ADAMTS3: variants seen among roughly 807,000 people sequenced by gnomAD.
ADAMTS3 encodes the protein A disintegrin and metalloproteinase with thrombospondin motifs 3.
Under a neutral mutation model 129.0 loss-of-function variants are expected in ADAMTS3, and 73 were observed. The ratio of observed to expected loss-of-function variants is 0.57; its 90% CI spans 0.47 to 0.69. ADAMTS3 has a LOEUF of 0.69. ADAMTS3 is among the 30% of genes least tolerant of loss of function. ADAMTS3 has a pLI of 0.00. For synonymous variants in ADAMTS3, 477 were observed against 510.8 expected, an observed-to-expected ratio of 0.93 and a Z score of 0.89; for missense variants, 1,457 against 1,514.5, an observed-to-expected ratio of 0.96 and a Z score of 0.63.
intron 2 of ADAMTS3, among the ~76,000 whole-genome samples, chr4:72,563,957 G>A (rs974914250): frequency 2.6e-5 from 4 of 152,158 alleles, no homozygotes; most frequent in African/African-American, 9.7e-5. Context: ...CTAGGTAAGT[G>A]ACTCACACTA....
At chr4:72,440,470 T>G (rs1183826629) in intron 3 of ADAMTS3, among the ~76,000 whole-genome samples, 3 of 151,836 alleles carry the variant, frequency 2.0e-5, no homozygotes, top group African/African-American at 7.2e-5. Flanking sequence ...ATGTTTTTCC[T>G]TAAAAAAATG....
At chr4:72,496,087 T>A (rs1185138346) in intron 3 of ADAMTS3, among the ~76,000 whole-genome samples, 1 of 152,158 alleles carries the variant, frequency 6.6e-6, no homozygotes, top group Non-Finnish European at 1.5e-5. Context: ...GTAAAGAAAA[T>A]TATTAGACTT....
At chr4:72,419,905 G>C (rs1722401344) in intron 3 of ADAMTS3, among the ~76,000 whole-genome samples, 1 of 152,070 alleles carries the variant, frequency 6.6e-6, no homozygotes, top group Non-Finnish European at 1.5e-5. Context: ...AAAGAATGTT[G>C]ATCGGATGGA....
intron 3 of ADAMTS3, among the ~76,000 whole-genome samples, chr4:72,484,368 T>C (rs1457656106): frequency 6.6e-6 from 1 of 152,220 alleles, no homozygotes; most frequent in Non-Finnish European, 1.5e-5. Context: ...CAACTACATT[T>C]ACCCTTTCAA....
chr4:72,514,293 G>C (rs1393787571), intron 3 of ADAMTS3, among the ~76,000 whole-genome samples: 1 of 152,122 alleles, frequency 6.6e-6, no homozygotes, highest in African/African-American at 2.4e-5. Flanking sequence ...GAGGCTTCAA[G>C]ACATGTTTCC....
rs138577459 is a variant in ADAMTS3 at position 72,499,035 on chromosome 4, T to C, written c.504+49443A>G. On this transcript the variant is annotated intron_variant, in intron 3 of 21. Transcript: ENST00000286657. ...TGATAAAACTAGAATCTTCAGCCCC[T>C]ACAAGACCTACCAAATTCAAATCTC... Among the ~76,000 whole-genome samples the C allele has an allele frequency of 3.4e-3, 524 of 152,230 alleles. 7 individuals carry two copies. Among genetic ancestry groups the C allele is most frequent in the African/African-American group, 0.012 (501 of 41,562 alleles).
At position 72,283,625 on chromosome 4, in the gene ADAMTS3, G is replaced by T; in HGVS notation, c.3129C>A (p.Asn1043Lys). The change falls in exon 22 of 22, where the codon AAC becomes AAA. Residue 1043 changes from asparagine to lysine, a missense_variant. Physicochemically the swap from Asn to Lys is moderately conservative, Grantham distance 94 (BLOSUM62 0). Coordinates refer to ENST00000286657, the MANE Select transcript of ADAMTS3 (RefSeq NM_014243.3). Reference protein sequence around the residue: ...LARYCSIPGYNKLCCESCSKR... With the variant: ...LARYCSIPGYKKLCCESCSKR... Reference sequence around the variant, plus strand: ...TGCTGCAGGACTCACAACATAACTTGTTATAACCTGGTATGGAGCAGTATC... The same window carrying T: ...TGCTGCAGGACTCACAACATAACTTTTTATAACCTGGTATGGAGCAGTATC... The T allele has an allele frequency of 6.2e-7, 1 of 1,613,934 alleles. No individual in the cohort carries two copies. The highest frequency in any genetic ancestry group is 2.2e-5 in the East Asian group (1 of 44,844).
intron 2 of ADAMTS3, among the ~76,000 whole-genome samples, chr4:72,555,091 G>A (rs1721729823): frequency 6.6e-6 from 1 of 151,712 alleles, no homozygotes; most frequent in Non-Finnish European, 1.5e-5. Flanking sequence ...TAGGATAAAA[G>A]ATATAGATTC....
intron 2 of ADAMTS3, among the ~76,000 whole-genome samples, chr4:72,565,135 T>C (rs975657844): frequency 2.0e-5 from 3 of 152,250 alleles, no homozygotes; most frequent in African/African-American, 7.2e-5. Context: ...AAAGTATTTT[T>C]AAAATTTAGT....
intron 9 of ADAMTS3, 96 bp downstream of exon 9, chr4:72,319,236 T>C: frequency 6.9e-7 from 1 of 1,444,904 alleles, no homozygotes; most frequent in East Asian, 2.3e-5. Flanking sequence ...TAGTTTTCAT[T>C]TACTGGGAAT....
chr4:72,285,396 A>G (rs1318720631), intron 21 of ADAMTS3, among the ~76,000 whole-genome samples: 1 of 152,128 alleles, frequency 6.6e-6, no homozygotes, highest in African/African-American at 2.4e-5. Context: ...GAAAACCTGT[A>G]TCTTAAAATA....
At chr4:72,433,626 T>C (rs1006786238) in intron 3 of ADAMTS3, among the ~76,000 whole-genome samples, 8 of 151,922 alleles carry the variant, frequency 5.3e-5, no homozygotes, top group Non-Finnish European at 1.2e-4. Flanking sequence ...ACAAACATGG[T>C]ACTGTTCTAT....
chr4:72,549,981 A>G (rs1202360374), intron 2 of ADAMTS3, among the ~76,000 whole-genome samples: 2 of 29,650 alleles, frequency 6.7e-5, no homozygotes, highest in East Asian at 8.0e-4. Context: ...GAAGAAGAAG[A>G]AGAAGAAGAA....
intron 4 of ADAMTS3, among the ~76,000 whole-genome samples, chr4:72,361,328 G>A (rs1490469090): frequency 6.6e-6 from 1 of 151,990 alleles, no homozygotes; most frequent in Non-Finnish European, 1.5e-5. Flanking sequence ...TTATATAACA[G>A]GTAATAACAT....
intron 3 of ADAMTS3, among the ~76,000 whole-genome samples, chr4:72,425,514 G>C (rs1321963071): frequency 6.6e-6 from 1 of 152,010 alleles, no homozygotes; most frequent in Non-Finnish European, 1.5e-5. Flanking sequence ...GTCCCGGTGT[G>C]TGATGTTCCC....
rs768227278 is a variant in ADAMTS3 at position 72,282,833 on chromosome 4, T to A, written c.*303A>T. 9.6e-6 allele frequency: 2 copies of A among 207,978 alleles called. No individual in the cohort carries two copies. Among genetic ancestry groups the A allele is most frequent in the Non-Finnish European group, 9.5e-6 (1 of 104,972 alleles). 12.9% of individuals were successfully genotyped at this position (207,978 alleles called of 1,614,324 possible). A position where few individuals can be genotyped will look rare whatever the true frequency, so the allele number is the denominator to read the frequency against. ...AAAACAAACAAAAAGTCAGCTGATA[T>A]GCACAATTGGTTCCAGTCCCTTTTC... On this transcript the variant is annotated 3_prime_UTR_variant, in exon 22 of 22. Transcript: ENST00000286657.
intron 2 of ADAMTS3, among the ~76,000 whole-genome samples, chr4:72,555,791 C>T (rs1721748655): frequency 1.3e-5 from 2 of 151,338 alleles, no homozygotes; most frequent in African/African-American, 4.9e-5. Flanking sequence ...GTGGACCTCC[C>T]CTTTGGTGTT....
intron 3 of ADAMTS3, among the ~76,000 whole-genome samples, chr4:72,501,565 G>C (rs1466901566): frequency 6.6e-6 from 1 of 152,026 alleles, no homozygotes; most frequent in East Asian, 1.9e-4. Flanking sequence ...CATGAGCAAA[G>C]AGAGATAATT....
chr4:72,318,425 T>G, intron 10 of ADAMTS3, 147 bp downstream of exon 10: 2 of 749,042 alleles, frequency 2.7e-6, no homozygotes, highest in Non-Finnish European at 4.2e-6. Flanking sequence ...TTAAAGCATT[T>G]AGCTGTAGCA....
Sources: allele counts gnomAD v4.1 joint callset (sites outside exome capture counted in the v4.1 genomes callset), GRCh38; gene constraint gnomAD v4.1.1; transcripts MANE v1.5; gene names NCBI Gene and HGNC (gene_info 2026-07-23, HGNC 2026-07-21).